Variants in GPRIN3 observed in about 807,000 individuals in gnomAD.
GPRIN3 encodes G protein-regulated inducer of neurite outgrowth 3.
In GPRIN3, 12 loss-of-function variants were observed where a neutral mutation model predicts 13.7. The observed-to-expected ratio is 0.87, with a 90% CI of 0.56 to 1.42. The LOEUF (loss-of-function observed/expected upper bound fraction) is 1.42. GPRIN3 is among the 40% of genes most tolerant of loss of function. The probability of loss-of-function intolerance (pLI) is 0.00; values close to 1 mark genes in which losing one functional copy is unlikely to be tolerated. For synonymous variants in GPRIN3, 377 were observed against 372.7 expected (o/e 1.01, Z -0.13); for missense variants, 1,009 against 958.7 (o/e 1.05, Z -0.69).
At chr4:89,267,675 T>C (rs1723818080) in intron 1 of GPRIN3, among the ~76,000 whole-genome samples, 1 of 152,240 alleles carries the variant, frequency 6.6e-6, no homozygotes, top group Non-Finnish European at 1.5e-5. Flanking sequence ...GATGCCACAG[T>C]CTCTTTTACT....
intron 1 of GPRIN3, among the ~76,000 whole-genome samples, chr4:89,253,634 A>G (rs1426004914): frequency 6.6e-6 from 1 of 152,256 alleles, no homozygotes; most frequent in Non-Finnish European, 1.5e-5. Flanking sequence ...CACTGTGTTT[A>G]CTTCCATTTC....
intron 1 of GPRIN3, among the ~76,000 whole-genome samples, chr4:89,292,577 G>T (rs191800869): frequency 1.3e-5 from 2 of 152,238 alleles, no homozygotes; most frequent in Admixed American, 6.5e-5. Context: ...GAGGTTGAGG[G>T]TCACTGATAA....
chr4:89,283,580 G>C (rs1335340605), intron 1 of GPRIN3, among the ~76,000 whole-genome samples: 1 of 152,180 alleles, frequency 6.6e-6, no homozygotes, highest in Non-Finnish European at 1.5e-5. Context: ...AAGGGAGACT[G>C]GACTACGGTA....
intron 1 of GPRIN3, among the ~76,000 whole-genome samples, chr4:89,301,272 G>A (rs563561588): frequency 6.6e-6 from 1 of 152,252 alleles, no homozygotes. Context: ...TTAAAAAAAT[G>A]TATACTGAGA....
At chr4:89,307,298 C>CACACACACACACCCCT (rs1561242497) in intron 1 of GPRIN3, among the ~76,000 whole-genome samples, 1 of 150,154 alleles carries the variant, frequency 6.7e-6, no homozygotes, top group African/African-American at 2.5e-5. Flanking sequence ...CACACACACA[C>CACACACACACACCCCT]CCCTCATATT....
At chr4:89,265,420 G>GA (rs1037002856) in intron 1 of GPRIN3, among the ~76,000 whole-genome samples, 1 of 151,966 alleles carries the variant, frequency 6.6e-6, no homozygotes, top group East Asian at 1.9e-4. Flanking sequence ...AAATACTTTG[G>GA]AAAAAATGTA....
chr4:89,248,126 T>C lies in GPRIN3; in HGVS notation c.1985A>G (p.Asp662Gly). The C allele has an allele frequency of 6.2e-7, 1 of 1,614,138 alleles. No homozygotes were observed. The highest frequency in any genetic ancestry group is 8.5e-7 in the Non-Finnish European group (1 of 1,180,010). The change falls in exon 2 of 2, where the codon GAT becomes GGT. Residue 662 changes from aspartate to glycine, a missense_variant. Transcript: ENST00000609438. ...AAAQVGLTPG[D>G]KKKQLGADSK... Reference sequence around the variant, plus strand: ...GTCTGCGCCAAGCTGCTTTTTCTTATCTCCTGGAGTGAGTCCTACCTGAGC... The same window carrying C: ...GTCTGCGCCAAGCTGCTTTTTCTTACCTCCTGGAGTGAGTCCTACCTGAGC...
intron 1 of GPRIN3, among the ~76,000 whole-genome samples, chr4:89,266,961 T>C (rs1259748388): frequency 6.6e-6 from 1 of 152,168 alleles, no homozygotes; most frequent in Non-Finnish European, 1.5e-5. Context: ...CTGCAATAAA[T>C]TTATATATAA....
chr4:89,240,308 G>T lies in GPRIN3; in HGVS notation c.*7472C>A, dbSNP rs1326204913. 6.6e-6 allele frequency: 1 copy of T among 152,048 alleles called. No homozygotes were observed. The highest frequency in any genetic ancestry group is 1.5e-5 in the Non-Finnish European group (1 of 68,022). 9.4% of individuals were successfully genotyped at this position (152,048 alleles called of 1,614,324 possible). A position where few individuals can be genotyped will look rare whatever the true frequency, so the allele number is the denominator to read the frequency against. On this transcript the variant is annotated 3_prime_UTR_variant, in exon 2 of 2. Coordinates refer to ENST00000609438, the MANE Select transcript of GPRIN3 (RefSeq NM_198281.3). Reference sequence around the variant, plus strand: ...AAGTGCCCTGGAACCCCACCCAAGGGTTCATTGCTCATATCCTATTATCTC... The same window carrying T: ...AAGTGCCCTGGAACCCCACCCAAGGTTTCATTGCTCATATCCTATTATCTC...
intron 1 of GPRIN3, among the ~76,000 whole-genome samples, chr4:89,281,145 T>C (rs1724238965): frequency 6.6e-6 from 1 of 151,440 alleles, no homozygotes; most frequent in African/African-American, 2.4e-5. Flanking sequence ...TTTTTTTAGA[T>C]AGAGTCTCGC....
Position 89,292,374 on chromosome 4 carries a change from T to G in GPRIN3, c.-124+15241A>C, listed in dbSNP as rs141553254. Among the ~76,000 whole-genome samples the G allele has an allele frequency of 2.6e-4, 39 of 152,360 alleles. 1 individual carries two copies. In the East Asian group the frequency reaches 4.8e-3, roughly 19 times the overall value. The stretch of plus-strand genomic sequence containing the variant: ...TTGTGAAATATTTGTGTAATAAATT[T>G]CTTGTGCTTATACAAAAGACAAGAT... On this transcript the variant is annotated intron_variant, in intron 1 of 1. Coordinates refer to ENST00000609438, the MANE Select transcript of GPRIN3 (RefSeq NM_198281.3).
In GPRIN3 at chr4:89,245,014, T is replaced by C. The variant is rs1456105365; in HGVS notation, c.*2766A>G. The C allele has an allele frequency of 6.6e-6, 1 of 152,200 alleles. No individual in the cohort carries two copies. The highest frequency in any genetic ancestry group is 1.5e-5 in the Non-Finnish European group (1 of 68,032). The allele number at this position is 152,200 out of a possible 1,614,324, so 9.4% of individuals were successfully genotyped here. ...CCAAGAAAACTGTTTTGCAGCTTCA[T>C]CTGTTGAATGAACCTTAGGTTTCAC... is the stretch of plus-strand genomic sequence containing the variant. On this transcript the variant is annotated 3_prime_UTR_variant, in exon 2 of 2. Coordinates refer to ENST00000609438, the MANE Select transcript of GPRIN3 (RefSeq NM_198281.3).
Position 89,241,732 on chromosome 4 carries a change from T to A in GPRIN3, c.*6048A>T, listed in dbSNP as rs1466151938. ...AAAAATAAGTTACGTAAAGATGTGA[T>A]CTAAAATAAATGTTAAGGAATCTCA... is the stretch of plus-strand genomic sequence containing the variant. On this transcript the variant is annotated 3_prime_UTR_variant, in exon 2 of 2. Coordinates refer to ENST00000609438, the MANE Select transcript of GPRIN3 (RefSeq NM_198281.3). 1 of 152,162 alleles carries A rather than the reference T, an allele frequency of 6.6e-6. No homozygotes were observed. Among genetic ancestry groups the A allele is most frequent in the African/African-American group, 2.4e-5 (1 of 41,428 alleles). 9.4% of individuals were successfully genotyped at this position (152,162 alleles called of 1,614,324 possible).
intron 1 of GPRIN3, among the ~76,000 whole-genome samples, chr4:89,298,822 C>A (rs1187558930): frequency 1.3e-5 from 2 of 152,056 alleles, no homozygotes; most frequent in Admixed American, 6.5e-5. Flanking sequence ...TGGAGGAAAG[C>A]TTTGATTCAA....
chr4:89,292,270 AT>A (rs1243051798), intron 1 of GPRIN3, among the ~76,000 whole-genome samples: 1 of 152,068 alleles, frequency 6.6e-6, no homozygotes, highest in African/African-American at 2.4e-5. Flanking sequence ...GAATTTTTCC[AT>A]TTTCATGTAT....
chr4:89,256,353 A>T (rs1723465655), intron 1 of GPRIN3, among the ~76,000 whole-genome samples: 2 of 152,168 alleles, frequency 1.3e-5, no homozygotes, highest in Admixed American at 1.3e-4. Flanking sequence ...CCTTAGGGAA[A>T]GTCCAACCAG....
intron 1 of GPRIN3, among the ~76,000 whole-genome samples, chr4:89,259,525 A>G: frequency 6.6e-6 from 1 of 152,194 alleles, no homozygotes. Flanking sequence ...TTGCATTTGC[A>G]TTTTAAAATC....
rs1722858910 is a variant in GPRIN3 at position 89,239,159 on chromosome 4, A to AAC, written c.*8619_*8620dup. On this transcript the variant is annotated 3_prime_UTR_variant, in exon 2 of 2. Transcript: ENST00000609438. ...CATTATAATGTAGACATTATAAAAA[A>AAC]ACATAACTTTGGATTTTAATATTAA... The AAC allele has an allele frequency of 6.6e-6, 1 of 152,160 alleles. No individual in the cohort carries two copies. The highest frequency in any genetic ancestry group is 6.5e-5 in the Admixed American group (1 of 15,286). The allele number at this position is 152,160 out of a possible 1,614,324, so 9.4% of individuals were successfully genotyped here. A position where few individuals can be genotyped will look rare whatever the true frequency, so the allele number is the denominator to read the frequency against.
At chr4:89,274,886 A>C (rs925112189) in intron 1 of GPRIN3, among the ~76,000 whole-genome samples, 9 of 152,134 alleles carry the variant, frequency 5.9e-5, no homozygotes, top group Admixed American at 2.0e-4. Flanking sequence ...CTTCCTGATA[A>C]ACTTTCAGAG....
Sources: gnomAD v4.1 joint callset for allele counts (sites outside exome capture counted in the v4.1 genomes callset) on GRCh38, gnomAD v4.1.1 for gene constraint, MANE v1.5 for transcripts, NCBI Gene and HGNC (gene_info 2026-07-23, HGNC 2026-07-21) for gene names.